Variants in TTC28 observed in about 807,000 individuals in gnomAD.
TTC28 encodes tetratricopeptide repeat protein 28.
In TTC28, 61 loss-of-function variants were observed where a neutral mutation model predicts 198.0. The observed-to-expected ratio is 0.31, with a 90% CI of 0.25 to 0.38. TTC28 has a LOEUF of 0.38. Among genes scored for constraint, TTC28 ranks in the 10% least tolerant of loss-of-function variants. The pLI is 1.00. For synonymous variants in TTC28, 1,171 were observed against 1,297.8 expected (o/e 0.90, Z 2.10); for missense variants, 2,678 against 3,164.0 (o/e 0.85, Z 3.69).
At chr22:28,342,767 T>A (rs1601660525) in intron 2 of TTC28, among the ~76,000 whole-genome samples, 2 of 152,296 alleles carry the variant, frequency 1.3e-5, no homozygotes, top group East Asian at 3.9e-4. Context: ...ATCTACACAG[T>A]ATGTCTAACT....
chr22:28,057,610 CG>C (rs1940340847), intron 12 of TTC28, among the ~76,000 whole-genome samples: 2 of 151,954 alleles, frequency 1.3e-5, no homozygotes, highest in African/African-American at 4.8e-5. Flanking sequence ...TTTTAAATTG[CG>C]ATGATATCTA....
At chr22:28,461,719 G>A (rs932777742) in intron 2 of TTC28, among the ~76,000 whole-genome samples, 1 of 152,172 alleles carries the variant, frequency 6.6e-6, no homozygotes, top group African/African-American at 2.4e-5. Context: ...ATGAGCCACT[G>A]TGCTAGGCCT....
chr22:28,678,432 C>T (rs945051994), intron 1 of TTC28, among the ~76,000 whole-genome samples: 18 of 152,188 alleles, frequency 1.2e-4, no homozygotes, highest in African/African-American at 4.1e-4. Flanking sequence ...TGGTCTCTAA[C>T]TCCTTGGCTC....
chr22:28,027,445 A>G (rs1938880595), intron 13 of TTC28, among the ~76,000 whole-genome samples: 8 of 152,262 alleles, frequency 5.3e-5, no homozygotes, highest in Admixed American at 5.2e-4. Context: ...GGCAAGGGAG[A>G]AAAACCTAAA....
intron 2 of TTC28, among the ~76,000 whole-genome samples, chr22:28,488,248 A>G (rs1192889642): frequency 1.3e-5 from 2 of 152,200 alleles, no homozygotes; most frequent in African/African-American, 4.8e-5. Context: ...TGCACCCTTC[A>G]GCACCACTCC....
At chr22:28,387,574 T>A (rs1408847952) in intron 2 of TTC28, among the ~76,000 whole-genome samples, 24 of 152,180 alleles carry the variant, frequency 1.6e-4, no homozygotes, top group Admixed American at 1.6e-3. Flanking sequence ...TGGTTTTGAT[T>A]TGCATTTCTC....
chr22:28,412,362 G>C (rs1026272351), intron 2 of TTC28, among the ~76,000 whole-genome samples: 4 of 152,042 alleles, frequency 2.6e-5, no homozygotes, highest in Admixed American at 6.5e-5. Context: ...GGCGGGGGGC[G>C]GGGGGAGAGG....
chr22:28,358,090 A>G (rs569939924), intron 2 of TTC28, among the ~76,000 whole-genome samples: 3 of 152,338 alleles, frequency 2.0e-5, no homozygotes, highest in South Asian at 2.1e-4. Context: ...ATGTTAACAT[A>G]AAGTACCTTA....
At chr22:28,274,046 A>G (rs1356748725) in intron 5 of TTC28, among the ~76,000 whole-genome samples, 1 of 152,234 alleles carries the variant, frequency 6.6e-6, no homozygotes, top group Non-Finnish European at 1.5e-5. Flanking sequence ...GAAACCAGGT[A>G]TAGAAAAGGA....
chr22:28,515,035 G>A (rs190580849), intron 2 of TTC28, among the ~76,000 whole-genome samples: 175 of 152,232 alleles, frequency 1.1e-3, no homozygotes, highest in Non-Finnish European at 1.9e-3. Context: ...CAGTGCTCTG[G>A]CAGGTGCTGT....
intron 2 of TTC28, among the ~76,000 whole-genome samples, chr22:28,372,251 T>C (rs984124058): frequency 2.0e-5 from 3 of 152,196 alleles, no homozygotes; most frequent in African/African-American, 7.2e-5. Context: ...TTTAAAAAAT[T>C]TAAGAGGTAG....
chr22:28,639,242 T>G (rs914889068), intron 1 of TTC28, among the ~76,000 whole-genome samples: 1 of 152,196 alleles, frequency 6.6e-6, no homozygotes, highest in Non-Finnish European at 1.5e-5. Context: ...GTAATTATTA[T>G]AAATCCAGCC....
chr22:28,644,255 C>T (rs975596154), intron 1 of TTC28, among the ~76,000 whole-genome samples: 4 of 151,832 alleles, frequency 2.6e-5, no homozygotes, highest in Admixed American at 1.3e-4. Flanking sequence ...AAAAATTAGC[C>T]GGGCGTGGTG....
chr22:28,450,300 C>T (rs2047760605), intron 2 of TTC28, among the ~76,000 whole-genome samples: 1 of 152,118 alleles, frequency 6.6e-6, no homozygotes, highest in African/African-American at 2.4e-5. Context: ...CTTCTAAACA[C>T]AACCGACTTC....
chr22:28,511,682 G>A (rs948717342), intron 2 of TTC28, among the ~76,000 whole-genome samples: 1 of 152,096 alleles, frequency 6.6e-6, no homozygotes, highest in Non-Finnish European at 1.5e-5. Context: ...GCCAGGCATG[G>A]TAGCACACAC....
At chr22:28,255,604 C>G (rs570855298) in intron 5 of TTC28, among the ~76,000 whole-genome samples, 1 of 151,650 alleles carries the variant, frequency 6.6e-6, no homozygotes, top group Non-Finnish European at 1.5e-5. Context: ...TCACTTGAAC[C>G]CGGGAGGCAG....
chr22:28,402,889 A>C (rs1228310954), intron 2 of TTC28, among the ~76,000 whole-genome samples: 1 of 152,248 alleles, frequency 6.6e-6, no homozygotes, highest in East Asian at 1.9e-4. Context: ...ACTAGAAACG[A>C]ATTTCAAAAG....
intron 5 of TTC28, among the ~76,000 whole-genome samples, chr22:28,263,925 T>C (rs903803580): frequency 1.3e-5 from 2 of 152,086 alleles, no homozygotes; most frequent in South Asian, 2.1e-4. Flanking sequence ...TGGTGACTTG[T>C]TGGTAGATTT....
intron 2 of TTC28, among the ~76,000 whole-genome samples, chr22:28,357,103 T>TA (rs2046089131): frequency 6.6e-6 from 1 of 152,046 alleles, no homozygotes; most frequent in South Asian, 2.1e-4. Flanking sequence ...TTTTACAGAT[T>TA]AAAAAACTGA....
Sources: gnomAD v4.1 joint callset for allele counts (sites outside exome capture counted in the v4.1 genomes callset) on GRCh38, gnomAD v4.1.1 for gene constraint, MANE v1.5 for transcripts, NCBI Gene and HGNC (gene_info 2026-07-23, HGNC 2026-07-21) for gene names.